Variants in EIPR1 observed in about 807,000 individuals in gnomAD.
The protein encoded by EIPR1 is EARP and GARP complex-interacting protein 1.
EIPR1 carries 25 observed loss-of-function variants against 48.1 expected under a neutral mutation model. The observed-to-expected ratio is 0.52, with a 90% confidence interval of 0.38 to 0.73. The LOEUF (loss-of-function observed/expected upper bound fraction) is 0.73, where lower values mean the gene tolerates loss of function less well. Among genes scored for constraint, EIPR1 ranks in the 30% least tolerant of loss-of-function variants. The probability of loss-of-function intolerance (pLI) is 0.00; values close to 1 mark genes in which losing one functional copy is unlikely to be tolerated. For synonymous variants in EIPR1, 204 were observed against 201.9 expected, an observed-to-expected ratio of 1.01 and a Z score of -0.09; for missense variants, 415 against 506.2, an observed-to-expected ratio of 0.82 and a Z score of 1.73.
intron 3 of EIPR1, among the ~76,000 whole-genome samples, chr2:3,258,743 C>T (rs2602744): frequency 0.66 from 100,576 of 151,982 alleles, 33,508 homozygotes; most frequent in East Asian, 0.81. Flanking sequence ...AAGATTAAGA[C>T]TTCAACCAGG....
At chr2:3,307,777 G>C (rs1009458480) in intron 3 of EIPR1, among the ~76,000 whole-genome samples, 1 of 152,200 alleles carries the variant, frequency 6.6e-6, no homozygotes, top group African/African-American at 2.4e-5. Context: ...GTATTTGATA[G>C]TATAGTAGGA....
chr2:3,223,633 C>T (rs553928332), intron 4 of EIPR1, among the ~76,000 whole-genome samples: 22 of 152,308 alleles, frequency 1.4e-4, no homozygotes, highest in Admixed American at 3.3e-4. Flanking sequence ...GTATCCAAAG[C>T]GCCCCACTAA....
At chr2:3,277,264 G>A (rs987626255) in intron 3 of EIPR1, among the ~76,000 whole-genome samples, 3 of 150,858 alleles carry the variant, frequency 2.0e-5, no homozygotes, top group South Asian at 4.2e-4. Flanking sequence ...CTCCACCCAC[G>A]CGGCCCCACA....
chr2:3,253,791 A>C (rs545603456), intron 4 of EIPR1, among the ~76,000 whole-genome samples: 3 of 152,140 alleles, frequency 2.0e-5, no homozygotes, highest in African/African-American at 7.2e-5. Context: ...TGCTTGTTGG[A>C]GTGCTGAGAC....
chr2:3,375,331 G>GT (rs1165160547), intron 1 of EIPR1, among the ~76,000 whole-genome samples: 1 of 151,354 alleles, frequency 6.6e-6, no homozygotes, highest in Non-Finnish European at 1.5e-5. Flanking sequence ...GTATACATAT[G>GT]TAACTAACTG....
chr2:3,330,960 A>AGGCACACACTCATGAGATGGTGTG (rs1553302095), intron 3 of EIPR1, among the ~76,000 whole-genome samples: 1 of 150,556 alleles, frequency 6.6e-6, no homozygotes, highest in African/African-American at 2.5e-5. Flanking sequence ...GAGCAGAGGC[A>AGGCACACACTCATGAGATGGTGTG]AGCGCATGTA....
Position 3,257,499 on chromosome 2 carries a change from T to C in EIPR1, c.260-44A>G, listed in dbSNP as rs763874617. The C allele has an allele frequency of 1.2e-5, 19 of 1,602,060 alleles. No homozygotes were observed. In the Admixed American group the frequency reaches 2.0e-4, roughly 17 times the overall value. ...TGGATAATGTCAACAGAGCACGGTG[T>C]GCCCCGCATTCTGCAGACAGCACAC... On this transcript the variant is annotated intron_variant, in intron 3 of 8. Coordinates refer to ENST00000382125, the MANE Select transcript of EIPR1 (RefSeq NM_003310.5).
intron 4 of EIPR1, among the ~76,000 whole-genome samples, chr2:3,243,242 T>C (rs1204091174): frequency 1.3e-5 from 2 of 152,212 alleles, no homozygotes; most frequent in African/African-American, 4.8e-5. Context: ...TTTTTTCTTT[T>C]TTGTGGAGAC....
intron 1 of EIPR1, among the ~76,000 whole-genome samples, chr2:3,355,812 T>TAAATAAAATAAAATA (rs10581799): frequency 0.054 from 8,010 of 148,832 alleles, 266 homozygotes; most frequent in East Asian, 0.12. Flanking sequence ...AGACCCTGTC[T>TAAATAAAATAAAATA]AAATAAAATA....
At chr2:3,269,686 G>C (rs111780611) in intron 3 of EIPR1, among the ~76,000 whole-genome samples, 1 of 136,460 alleles carries the variant, frequency 7.3e-6, no homozygotes, top group African/African-American at 2.8e-5. Context: ...CGCAATCATC[G>C]CACTCAATCA....
At chr2:3,347,343 T>A (rs187203917) in intron 2 of EIPR1, among the ~76,000 whole-genome samples, 1 of 152,314 alleles carries the variant, frequency 6.6e-6, no homozygotes, top group East Asian at 1.9e-4. Flanking sequence ...ACGAACCTGG[T>A]GGGAGACAAT....
chr2:3,266,861 G>A (rs1667505195), intron 3 of EIPR1, among the ~76,000 whole-genome samples: 1 of 152,250 alleles, frequency 6.6e-6, no homozygotes, highest in Admixed American at 6.5e-5. Context: ...GCTCAGGACA[G>A]ACAGAAAGCT....
chr2:3,367,122 G>A (rs371113044), intron 1 of EIPR1, among the ~76,000 whole-genome samples: 21 of 145,542 alleles, frequency 1.4e-4, no homozygotes, highest in Non-Finnish European at 2.0e-4. Flanking sequence ...AAAAAAAAAA[G>A]GGAACAACCT....
Position 3,304,058 on chromosome 2 carries a change from T to A in EIPR1, c.259+33959A>T, listed in dbSNP as rs201583342. ...ACTGTGTGATTTGCTGACTCTGATG[T>A]AGGAAGACAGACACGGTCACCAAGT... On this transcript the variant is annotated intron_variant, in intron 3 of 8. Transcript: ENST00000382125. 3.9e-5 allele frequency among the ~76,000 whole-genome samples: 6 copies of A among 152,280 alleles called. No individual in the cohort carries two copies. The East Asian group carries it at 1.2e-3, about 29-fold the overall frequency.
At chr2:3,341,640 G>C (rs1049793930) in intron 2 of EIPR1, among the ~76,000 whole-genome samples, 1 of 151,308 alleles carries the variant, frequency 6.6e-6, no homozygotes. Flanking sequence ...GGGTGTACAT[G>C]GGTGTGAATG....
chr2:3,350,958 A>AT (rs1025086607), intron 2 of EIPR1, among the ~76,000 whole-genome samples: 34 of 151,366 alleles, frequency 2.2e-4, no homozygotes, highest in Non-Finnish European at 1.0e-4. Context: ...AAAAAAAAAA[A>AT]AAAACAAATT....
intron 3 of EIPR1, among the ~76,000 whole-genome samples, chr2:3,305,411 C>G (rs1373678432): frequency 2.7e-5 from 4 of 150,700 alleles, no homozygotes; most frequent in Non-Finnish European, 5.9e-5. Context: ...ACCCTCCAAT[C>G]CCATCTAGTT....
At chr2:3,261,379 C>A (rs1350049025) in intron 3 of EIPR1, among the ~76,000 whole-genome samples, 1 of 152,178 alleles carries the variant, frequency 6.6e-6, no homozygotes, top group Non-Finnish European at 1.5e-5. Flanking sequence ...ACCCCACTCA[C>A]AGTCACAATC....
At chr2:3,343,673 G>C (rs142858235) in intron 2 of EIPR1, among the ~76,000 whole-genome samples, 1 of 152,360 alleles carries the variant, frequency 6.6e-6, no homozygotes, top group Admixed American at 6.5e-5. Context: ...GTATTAGGAA[G>C]TCCATGAAGA....
Sources: allele counts gnomAD v4.1 joint callset (sites outside exome capture counted in the v4.1 genomes callset), GRCh38; gene constraint gnomAD v4.1.1; transcripts MANE v1.5; gene names NCBI Gene and HGNC (gene_info 2026-07-23, HGNC 2026-07-21).